SGO2: variants seen among roughly 807,000 people sequenced by gnomAD.
SGO2 encodes the protein shugoshin-like 2.
Under a neutral mutation model 99.5 loss-of-function variants are expected in SGO2, and 68 were observed. That is an observed-to-expected ratio of 0.68 (90% CI 0.56 to 0.84). The LOEUF (loss-of-function observed/expected upper bound fraction) is 0.84. Ranked by LOEUF, SGO2 falls within the 40% of genes least tolerant of loss-of-function variation. The pLI, the probability that SGO2 is intolerant of heterozygous loss-of-function variation, is 0.00. For synonymous variants in SGO2, 457 were observed against 487.1 expected, an observed-to-expected ratio of 0.94 and a Z score of 0.81; for missense variants, 1,350 against 1,436.7, an observed-to-expected ratio of 0.94 and a Z score of 0.97.
chr2:200,545,189 T>C (rs1201967702), intron 5 of SGO2, among the ~76,000 whole-genome samples: 3 of 152,092 alleles, frequency 2.0e-5, no homozygotes. Context: ...ATACTTTTTG[T>C]AGAGACAGGG....
intron 4 of SGO2, among the ~76,000 whole-genome samples, chr2:200,540,031 A>G (rs953629165): frequency 1.1e-4 from 16 of 148,572 alleles, no homozygotes; most frequent in Non-Finnish European, 1.8e-4. Flanking sequence ...TTATTTGGTT[A>G]TTACATTTTT....
At chr2:200,577,652 T>A (rs1233085043) in intron 8 of SGO2, among the ~76,000 whole-genome samples, 1 of 152,002 alleles carries the variant, frequency 6.6e-6, no homozygotes, top group Admixed American at 6.6e-5. Context: ...CTCCTAAGCA[T>A]CCTCCAACCT....
rs763548468 is a variant in SGO2, at chr2:200,542,578, G to T, written c.388-1G>T. On this transcript the variant is annotated splice_acceptor_variant, in intron 4 of 8. Transcript: ENST00000357799. LOFTEE classifies it high-confidence loss of function. ...GTTTTCTTTATTTTTTTCAAAAATAGTTCCATCAGAGTTCCTTTCTACTGT... is the reference window on the plus strand; with the variant it reads ...GTTTTCTTTATTTTTTTCAAAAATATTTCCATCAGAGTTCCTTTCTACTGT... 6 of 1,607,602 alleles carry T rather than the reference G, an allele frequency of 3.7e-6. No homozygotes were observed. In the African/African-American group the frequency reaches 8.0e-5, roughly 22 times the overall value.
chr2:200,567,624 CT>C (rs1466049628), intron 5 of SGO2, among the ~76,000 whole-genome samples: 3 of 152,128 alleles, frequency 2.0e-5, no homozygotes, highest in African/African-American at 2.4e-5. Flanking sequence ...CTCCACCCCC[CT>C]AGCCCCTAAC....
chr2:200,539,366 T>G (rs1481108740), intron 4 of SGO2, among the ~76,000 whole-genome samples: 1 of 152,126 alleles, frequency 6.6e-6, no homozygotes, highest in Non-Finnish European at 1.5e-5. Flanking sequence ...CCCAGTTGAT[T>G]AATTTTATGT....
chr2:200,569,736 A>G lies in SGO2; in HGVS notation c.547A>G (p.Lys183Glu). The G allele has an allele frequency of 1.2e-6, 2 of 1,613,156 alleles. No homozygotes were observed. The highest frequency in any genetic ancestry group is 1.7e-6 in the Non-Finnish European group (2 of 1,179,396). The change falls in exon 6 of 9, where the codon AAG becomes GAG. Residue 183 changes from lysine (K) to glutamate (E), a missense_variant. Physicochemically the swap from Lys to Glu is moderately conservative, Grantham distance 56. Coordinates refer to ENST00000357799, the MANE Select transcript of SGO2 (RefSeq NM_152524.6). ...GCAGTGTGACAACAATATTAAATCA[A>G]AGACATTACCTGATATTCCCTCTTC... ...KMQCDNNIKSKTLPDIPSSGS... is the reference protein window; with the variant it reads ...KMQCDNNIKSETLPDIPSSGS...
At chr2:200,568,442 C>T (rs2033274752) in intron 5 of SGO2, among the ~76,000 whole-genome samples, 1 of 152,192 alleles carries the variant, frequency 6.6e-6, no homozygotes, top group South Asian at 2.1e-4. Flanking sequence ...CTAACCTTGT[C>T]TGAACCCAAA....
intron 1 of SGO2, among the ~76,000 whole-genome samples, chr2:200,527,233 A>G (rs1369241006): frequency 6.6e-6 from 1 of 152,224 alleles, no homozygotes; most frequent in Admixed American, 6.5e-5. Flanking sequence ...GGCGATTGAC[A>G]GTGTCGTTTA....
chr2:200,548,481 G>T (rs1425976871), intron 5 of SGO2, among the ~76,000 whole-genome samples: 1 of 152,116 alleles, frequency 6.6e-6, no homozygotes, highest in East Asian at 1.9e-4. Context: ...TGAAAGGGAA[G>T]TTTATAGCAA....
At chr2:200,563,357 C>T (rs138474972) in intron 5 of SGO2, among the ~76,000 whole-genome samples, 6,815 of 152,178 alleles carry the variant, frequency 0.045, 186 homozygotes, top group Middle Eastern at 0.071. Context: ...TGCTGGATTA[C>T]GTTTATTGAT....
rs2106341519 is a variant in SGO2, at chr2:200,569,748, G to A, written c.559G>A (p.Asp187Asn). The change falls in exon 6 of 9, where the codon GAT becomes AAT. Residue 187 changes from aspartate (D) to asparagine (N), a missense_variant. By Grantham distance (23) the Asp-to-Asn change is conservative. Coordinates refer to ENST00000357799, the MANE Select transcript of SGO2 (RefSeq NM_152524.6). ...DNNIKSKTLP[D>N]IPSSGSTTQP... ...CAATATTAAATCAAAGACATTACCT[G>A]ATATTCCCTCTTCAGGATCAACAAC... is the stretch of plus-strand genomic sequence containing the variant. 6.2e-7 allele frequency: 1 copy of A among 1,612,984 alleles called. No homozygotes were observed. Among genetic ancestry groups the A allele is most frequent in the South Asian group, 1.1e-5 (1 of 90,994 alleles).
At chr2:200,528,638 A>G (rs1342447523) in intron 1 of SGO2, among the ~76,000 whole-genome samples, 1 of 152,210 alleles carries the variant, frequency 6.6e-6, no homozygotes, top group Non-Finnish European at 1.5e-5. Context: ...TCTGGAGTTC[A>G]AGGGAAAAGT....
At chr2:200,546,031 T>C (rs2032193401) in intron 5 of SGO2, among the ~76,000 whole-genome samples, 1 of 152,160 alleles carries the variant, frequency 6.6e-6, no homozygotes. Flanking sequence ...CTAGCCAGCC[T>C]TCCCACATTG....
chr2:200,539,184 C>T (rs551573205), intron 4 of SGO2, among the ~76,000 whole-genome samples: 1 of 152,094 alleles, frequency 6.6e-6, no homozygotes, highest in Non-Finnish European at 1.5e-5. Context: ...TTTATTTATC[C>T]TGTGGATATT....
chr2:200,526,655 C>T lies in SGO2; in HGVS notation c.-3+403C>T, dbSNP rs1485721249. ...GCCAAAGTTCTCGAAGGAGCCCTCTCGTTTGGAGAGGCTGGCTGAAGGCGA... is the reference window on the plus strand; with the variant it reads ...GCCAAAGTTCTCGAAGGAGCCCTCTTGTTTGGAGAGGCTGGCTGAAGGCGA... On this transcript the variant is annotated intron_variant, in intron 1 of 8. Transcript: ENST00000357799. This position sits in a 1 kb window ranked among gnomAD's most constrained non-coding sequence, Gnocchi z 4.8. Among the ~76,000 whole-genome samples the T allele has an allele frequency of 2.6e-5, 4 of 152,130 alleles. No individual in the cohort carries two copies.
At chr2:200,529,520 G>A (rs143684043) in intron 1 of SGO2, among the ~76,000 whole-genome samples, 1 of 119,388 alleles carries the variant, frequency 8.4e-6, no homozygotes, top group Non-Finnish European at 2.1e-5. Flanking sequence ...GTTTTGTTTT[G>A]TTTTTTGTTT....
At chr2:200,561,535 T>C (rs1318828347) in intron 5 of SGO2, among the ~76,000 whole-genome samples, 1 of 152,222 alleles carries the variant, frequency 6.6e-6, no homozygotes, top group African/African-American at 2.4e-5. Flanking sequence ...GCATGTGTCT[T>C]TATAGCAGCA....
At chr2:200,540,989 A>G (rs1022315232) in intron 4 of SGO2, among the ~76,000 whole-genome samples, 1 of 152,152 alleles carries the variant, frequency 6.6e-6, no homozygotes, top group African/African-American at 2.4e-5. Flanking sequence ...GTCCAAGAGC[A>G]TGATGCTGAC....
chr2:200,577,197 T>C (rs2033697194), intron 8 of SGO2, among the ~76,000 whole-genome samples: 1 of 152,192 alleles, frequency 6.6e-6, no homozygotes, highest in Non-Finnish European at 1.5e-5. Flanking sequence ...CAACACTTGT[T>C]TTTCTATGAC....
Sources: gnomAD v4.1 joint callset for allele counts (sites outside exome capture counted in the v4.1 genomes callset) on GRCh38, gnomAD v4.1.1 for gene constraint, Gnocchi (gnomAD v3.1) non-coding constraint, MANE v1.5 for transcripts, NCBI Gene and HGNC (gene_info 2026-07-23, HGNC 2026-07-21) for gene names.